The following ANO3 variants were observed in gnomAD, a reference collection of about 807,000 sequenced individuals.
The protein encoded by ANO3 is anoctamin-3.
Under a neutral mutation model 144.8 loss-of-function variants are expected in ANO3, and 99 were observed. That is an observed-to-expected ratio of 0.68 (90% CI 0.58 to 0.81). The LOEUF (loss-of-function observed/expected upper bound fraction) is 0.81, where lower values mean the gene tolerates loss of function less well. Ranked by LOEUF, ANO3 falls within the 30% of genes least tolerant of loss-of-function variation. ANO3 has a pLI of 0.00. For missense variants in ANO3, 905 were observed against 1,202.2 expected, an observed-to-expected ratio of 0.75 and a Z score of 3.66; for synonymous variants, 414 against 392.6, an observed-to-expected ratio of 1.05 and a Z score of -0.64.
intron 1 of ANO3, among the ~76,000 whole-genome samples, chr11:26,316,621 T>A (rs903019036): frequency 1.3e-5 from 2 of 152,012 alleles, no homozygotes; most frequent in African/African-American, 4.8e-5. Flanking sequence ...GAAGGGAGTA[T>A]GTCTTAACCC....
At chr11:26,561,856 G>C (rs1850307390) in intron 14 of ANO3, among the ~76,000 whole-genome samples, 1 of 151,848 alleles carries the variant, frequency 6.6e-6, no homozygotes, top group Non-Finnish European at 1.5e-5. Flanking sequence ...AACTGGACAT[G>C]CTCTTGGTAT....
chr11:26,313,093 C>T (rs1019896437), intron 1 of ANO3, among the ~76,000 whole-genome samples: 3 of 152,150 alleles, frequency 2.0e-5, no homozygotes, highest in Non-Finnish European at 4.4e-5. Context: ...TTGCACAAGT[C>T]ATTTTATTCG....
At chr11:26,314,452 T>C (rs189822903) in intron 1 of ANO3, among the ~76,000 whole-genome samples, 3 of 152,340 alleles carry the variant, frequency 2.0e-5, no homozygotes, top group Admixed American at 2.0e-4. Context: ...TTCTACTCAT[T>C]ACTGCTTTTT....
chr11:26,620,481 TATTAAAATTAAATTAAACTAAA>T (rs1590640654), intron 17 of ANO3, among the ~76,000 whole-genome samples: 5 of 151,902 alleles, frequency 3.3e-5, no homozygotes, highest in Admixed American at 1.3e-4. Context: ...AAATTAAATT[TATTAAAATTAAATTAAACTAAA>T]ATTAAAACTT....
At chr11:26,406,512 A>C (rs1482816884) in intron 1 of ANO3, among the ~76,000 whole-genome samples, 7 of 151,852 alleles carry the variant, frequency 4.6e-5, no homozygotes, top group African/African-American at 1.7e-4. Flanking sequence ...GTCCTTGGAA[A>C]ACCAGTTTGG....
intron 17 of ANO3, among the ~76,000 whole-genome samples, chr11:26,614,924 C>T (rs929001243): frequency 6.6e-6 from 1 of 151,962 alleles, no homozygotes; most frequent in African/African-American, 2.4e-5. Context: ...GTTTTGGTTC[C>T]TTTTTGTTGG....
chr11:26,383,049 A>G (rs920336312), intron 1 of ANO3, among the ~76,000 whole-genome samples: 1 of 152,148 alleles, frequency 6.6e-6, no homozygotes, highest in Non-Finnish European at 1.5e-5. Context: ...TCATGGTTAT[A>G]CTGCAGTGCC....
At chr11:26,343,457 G>T (rs943504213) in intron 1 of ANO3, among the ~76,000 whole-genome samples, 1 of 152,034 alleles carries the variant, frequency 6.6e-6, no homozygotes, top group Non-Finnish European at 1.5e-5. Context: ...TTATTTTGGG[G>T]GGTCCTCCAT....
chr11:26,324,962 A>G (rs1043121856), intron 1 of ANO3, among the ~76,000 whole-genome samples: 1 of 152,202 alleles, frequency 6.6e-6, no homozygotes, highest in African/African-American at 2.4e-5. Context: ...TGGGAAAGGA[A>G]AAGGATGAGC....
intron 14 of ANO3, among the ~76,000 whole-genome samples, chr11:26,566,120 A>G (rs549532015): frequency 6.6e-6 from 1 of 152,008 alleles, no homozygotes; most frequent in South Asian, 2.1e-4. Flanking sequence ...GGGAAATGCC[A>G]TGCAAAAACT....
Position 26,430,686 on chromosome 11 carries a change from G to GA in ANO3, c.47-11225dup, listed in dbSNP as rs200670635. Reference sequence around the variant, plus strand: ...ATACATAAAGTACTGCTCCTTTGGGGAAAAAAATCAATGAAATAGACAAAC... The same window carrying GA: ...ATACATAAAGTACTGCTCCTTTGGGGAAAAAAAATCAATGAAATAGACAAAC... On this transcript the variant is annotated intron_variant, in intron 1 of 26. Transcript: ENST00000256737. Among the ~76,000 whole-genome samples, 645 of 151,966 alleles carry GA rather than the reference G, an allele frequency of 4.2e-3. 4 individuals are homozygous for GA. The highest frequency in any genetic ancestry group is 0.013 in the African/African-American group (543 of 41,450).
At chr11:26,448,278 A>C (rs1478491953) in intron 3 of ANO3, among the ~76,000 whole-genome samples, 2 of 149,758 alleles carry the variant, frequency 1.3e-5, no homozygotes, top group African/African-American at 4.9e-5. Context: ...CAGCCTGGGC[A>C]ACAAAAGCGT....
intron 5 of ANO3, among the ~76,000 whole-genome samples, chr11:26,515,945 G>C (rs1861847042): frequency 6.6e-6 from 1 of 151,970 alleles, no homozygotes; most frequent in Non-Finnish European, 1.5e-5. Flanking sequence ...GGGAATAACT[G>C]TGTTGGCTTT....
chr11:26,255,294 C>T (rs1368018525), intron 1 of ANO3, among the ~76,000 whole-genome samples: 2 of 152,162 alleles, frequency 1.3e-5, no homozygotes, highest in East Asian at 1.9e-4. Context: ...TAGTGTTGTG[C>T]GATTGGAAGA....
At chr11:26,578,834 A>T (rs1851057601) in intron 14 of ANO3, among the ~76,000 whole-genome samples, 1 of 152,090 alleles carries the variant, frequency 6.6e-6, no homozygotes, top group African/African-American at 2.4e-5. Context: ...CACTCAAGTG[A>T]CTCTTCAACC....
At chr11:26,622,952 G>T (rs1852464507) in intron 17 of ANO3, among the ~76,000 whole-genome samples, 2 of 152,158 alleles carry the variant, frequency 1.3e-5, no homozygotes, top group Admixed American at 1.3e-4. Flanking sequence ...TTGGGCAATT[G>T]AATCTATCCT....
At chr11:26,395,717 G>T (rs897854327) in intron 1 of ANO3, among the ~76,000 whole-genome samples, 1 of 145,660 alleles carries the variant, frequency 6.9e-6, no homozygotes, top group African/African-American at 2.7e-5. Context: ...TTTAATAAAT[G>T]GTGTTGGGAA....
Position 26,534,546 on chromosome 11 carries a change from T to C in ANO3, c.960T>C (p.Asn320=), listed in dbSNP as rs1362056636. The change falls in exon 9 of 27, where the codon AAT becomes AAC. Residue 320 remains asparagine (N), a synonymous_variant. Transcript: ENST00000256737. ...TGCTGGAACGCACCAAATATGAAAA[T>C]GGAATATCAAAAGTGGGTAAGAACA... The part of the protein sequence containing the change: ...YHMLERTKYE[N]GISKVGIRKL... The C allele has an allele frequency of 4.3e-6, 7 of 1,610,770 alleles. No individual in the cohort carries two copies. The highest frequency in any genetic ancestry group is 5.9e-6 in the Non-Finnish European group (7 of 1,177,632).
intron 4 of ANO3, among the ~76,000 whole-genome samples, chr11:26,475,674 C>A (rs1474183165): frequency 6.6e-6 from 1 of 151,866 alleles, no homozygotes; most frequent in Non-Finnish European, 1.5e-5. Context: ...CATAATTATA[C>A]TTAATATTCA....
Sources: gnomAD v4.1 joint callset for allele counts (sites outside exome capture counted in the v4.1 genomes callset) on GRCh38, gnomAD v4.1.1 for gene constraint, MANE v1.5 for transcripts, NCBI Gene and HGNC (gene_info 2026-07-23, HGNC 2026-07-21) for gene names.